The following SAMD4A variants were observed in gnomAD, a reference collection of about 807,000 sequenced individuals.
The protein encoded by SAMD4A is protein Smaug homolog 1.
SAMD4A carries 33 observed loss-of-function variants against 81.3 expected under a neutral mutation model. That is an observed-to-expected ratio of 0.41 (90% CI 0.31 to 0.54). The LOEUF (loss-of-function observed/expected upper bound fraction) is 0.54. SAMD4A is among the 20% of genes least tolerant of loss of function. The pLI is 0.37. For synonymous variants in SAMD4A, 389 were observed against 382.1 expected, an observed-to-expected ratio of 1.02 and a Z score of -0.21; for missense variants, 854 against 951.1, an observed-to-expected ratio of 0.90 and a Z score of 1.34.
At chr14:54,579,561 A>G (rs1038337223) in intron 2 of SAMD4A, among the ~76,000 whole-genome samples, 7 of 152,234 alleles carry the variant, frequency 4.6e-5, no homozygotes, top group Non-Finnish European at 8.8e-5. Context: ...TTCATCTTGG[A>G]AAAATTCTTT....
At chr14:54,648,635 T>C (rs1444374072) in intron 2 of SAMD4A, among the ~76,000 whole-genome samples, 1 of 152,082 alleles carries the variant, frequency 6.6e-6, no homozygotes, top group Non-Finnish European at 1.5e-5. Context: ...GTGACTGGAA[T>C]GGATTGAACA....
At chr14:54,570,176 T>C (rs1276871675) in intron 2 of SAMD4A, among the ~76,000 whole-genome samples, 1 of 152,180 alleles carries the variant, frequency 6.6e-6, no homozygotes, top group Non-Finnish European at 1.5e-5. Flanking sequence ...TTGCAGTTGT[T>C]TTGTTGTGTG....
intron 4 of SAMD4A, among the ~76,000 whole-genome samples, chr14:54,743,873 G>T (rs1392171277): frequency 2.0e-5 from 3 of 152,172 alleles, no homozygotes; most frequent in African/African-American, 7.2e-5. Context: ...TTCTGCTCTG[G>T]CCAGAAATAA....
intron 2 of SAMD4A, among the ~76,000 whole-genome samples, chr14:54,569,592 C>T (rs1469319419): frequency 6.6e-6 from 1 of 152,210 alleles, no homozygotes; most frequent in African/African-American, 2.4e-5. Flanking sequence ...GCCTCCTTCA[C>T]TGGGGTGTGG....
chr14:54,732,482 A>G (rs980552366), intron 3 of SAMD4A, among the ~76,000 whole-genome samples: 6 of 152,180 alleles, frequency 3.9e-5, no homozygotes, highest in African/African-American at 1.4e-4. Flanking sequence ...ATATATGTTC[A>G]TAACATTTTT....
chr14:54,724,045 G>GAAGGAAGT (rs1566604959), intron 3 of SAMD4A, among the ~76,000 whole-genome samples: 1 of 150,932 alleles, frequency 6.6e-6, no homozygotes, highest in Non-Finnish European at 1.5e-5. Context: ...AGGAAGGAAG[G>GAAGGAAGT]AAGGAATAAT....
At chr14:54,766,231 G>A (rs1166856971) in intron 8 of SAMD4A, among the ~76,000 whole-genome samples, 1 of 152,090 alleles carries the variant, frequency 6.6e-6, no homozygotes, top group Non-Finnish European at 1.5e-5. Flanking sequence ...CCTGACACTG[G>A]ACTCGTTTTG....
At chr14:54,700,993 A>T (rs34539960) in intron 2 of SAMD4A, 85,995 of 138,554 alleles carry the variant, frequency 0.62, 28,892 homozygotes, top group Admixed American at 0.72. Flanking sequence ...GAAACGGTGA[A>T]TTTTTTTTTT....
At chr14:54,706,591 C>CAAG (rs1477666667) in intron 3 of SAMD4A, among the ~76,000 whole-genome samples, 1 of 140,294 alleles carries the variant, frequency 7.1e-6, no homozygotes, top group Admixed American at 7.5e-5. Flanking sequence ...GGTGACAGAG[C>CAAG]AAGACTCTGT....
chr14:54,677,474 G>A (rs1029749052), intron 2 of SAMD4A, among the ~76,000 whole-genome samples: 1 of 152,186 alleles, frequency 6.6e-6, no homozygotes, highest in Non-Finnish European at 1.5e-5. Context: ...CAGAATGTAC[G>A]CCTGGTTAAT....
chr14:54,776,297 C>CTTTTCTAGAAGT, intron 10 of SAMD4A, 117 bp from the exon 11 acceptor site: 1 of 1,119,558 alleles, frequency 8.9e-7, no homozygotes, highest in Non-Finnish European at 1.3e-6. Context: ...CTGCAAGCCC[C>CTTTTCTAGAAGT]TTTTCTAGAA....
At chr14:54,785,304 G>A (rs1051348305) in intron 12 of SAMD4A, among the ~76,000 whole-genome samples, 6 of 152,242 alleles carry the variant, frequency 3.9e-5, no homozygotes, top group East Asian at 1.9e-4. Context: ...GTGCTCCCCC[G>A]TGTGTTTGGC....
intron 3 of SAMD4A, chr14:54,703,632 C>T (rs1046020674): frequency 1.2e-4 from 19 of 152,150 alleles, no homozygotes; most frequent in African/African-American, 3.9e-4. Context: ...CTTTGGGAGG[C>T]CTAGGCGGGC....
Position 54,791,067 on chromosome 14 carries a change from T to C in SAMD4A, c.*2123T>C, listed in dbSNP as rs1289848371. On this transcript the variant is annotated 3_prime_UTR_variant, in exon 13 of 13. Transcript: ENST00000554335. Reference sequence around the variant, plus strand: ...TGCAGAAAGAGATGGCATTTTTTAGTTGATTATTTTTAACCAAGTGCCATT... The same window carrying C: ...TGCAGAAAGAGATGGCATTTTTTAGCTGATTATTTTTAACCAAGTGCCATT... 5 of 152,172 alleles carry C rather than the reference T, an allele frequency of 3.3e-5. No homozygotes were observed. The highest frequency in any genetic ancestry group is 1.2e-4 in the African/African-American group (5 of 41,418). 9.4% of individuals were successfully genotyped at this position (152,172 alleles called of 1,614,324 possible). A position where few individuals can be genotyped will look rare whatever the true frequency, so the allele number is the denominator to read the frequency against.
At chr14:54,589,638 C>T (rs1187596) in intron 2 of SAMD4A, among the ~76,000 whole-genome samples, 8,026 of 152,138 alleles carry the variant, frequency 0.053, 299 homozygotes, top group Non-Finnish European at 0.074. Flanking sequence ...TGTGCCTATT[C>T]GGAACATGTT....
intron 2 of SAMD4A, among the ~76,000 whole-genome samples, chr14:54,666,894 T>C (rs1027984990): frequency 2.0e-5 from 3 of 152,182 alleles, no homozygotes; most frequent in African/African-American, 4.8e-5. Context: ...TGGAAGAAAG[T>C]GCCCAGGAGA....
chr14:54,626,927 T>G (rs911976330), intron 2 of SAMD4A, among the ~76,000 whole-genome samples: 9 of 152,182 alleles, frequency 5.9e-5, no homozygotes, highest in African/African-American at 2.2e-4. Context: ...TGTCCGTGAT[T>G]ATTTGACTGG....
intron 2 of SAMD4A, among the ~76,000 whole-genome samples, chr14:54,665,502 T>G (rs2035739708): frequency 6.6e-6 from 1 of 152,238 alleles, no homozygotes. Flanking sequence ...CTGGATTAAC[T>G]AGAAAAGAAA....
At chr14:54,672,356 A>G (rs2035903476) in intron 2 of SAMD4A, among the ~76,000 whole-genome samples, 1 of 152,124 alleles carries the variant, frequency 6.6e-6, no homozygotes, top group South Asian at 2.1e-4. Flanking sequence ...AGGTGGGAAG[A>G]TTAAAACCAA....
Sources: gnomAD v4.1 joint callset for allele counts (sites outside exome capture counted in the v4.1 genomes callset) on GRCh38, gnomAD v4.1.1 for gene constraint, MANE v1.5 for transcripts, NCBI Gene and HGNC (gene_info 2026-07-23, HGNC 2026-07-21) for gene names.